TENM4: variants seen among roughly 807,000 people sequenced by gnomAD.
The protein encoded by TENM4 is teneurin transmembrane protein 4, also known as teneurin-4.
A neutral mutation model predicts 243.3 loss-of-function variants in TENM4; 82 were observed. The ratio of observed to expected loss-of-function variants is 0.34; its 90% CI spans 0.28 to 0.40. The LOEUF is 0.40. Ranked by LOEUF, TENM4 falls within the 10% of genes least tolerant of loss-of-function variation. The pLI is 1.00. For synonymous variants in TENM4, 1,412 were observed against 1,456.3 expected, an observed-to-expected ratio of 0.97 and a Z score of 0.69; for missense variants, 3,138 against 3,673.3, an observed-to-expected ratio of 0.85 and a Z score of 3.77.
chr11:78,913,131 T>C (rs1403817672), intron 6 of TENM4, among the ~76,000 whole-genome samples: 3 of 152,228 alleles, frequency 2.0e-5, no homozygotes, highest in Non-Finnish European at 4.4e-5. Flanking sequence ...TATTATATTG[T>C]GTTGTGTGAC....
chr11:78,805,277 T>TTCCCCCCC lies in TENM4; in HGVS notation c.2179+14_2179+15insGGGGGGGA. 1.4e-6 allele frequency: 2 copies of TTCCCCCCC among 1,402,550 alleles called. No homozygotes were observed. The highest frequency in any genetic ancestry group is 9.7e-7 in the Non-Finnish European group (1 of 1,033,116). 86.9% of individuals were successfully genotyped at this position (1,402,550 alleles called of 1,614,324 possible). A position where few individuals can be genotyped will look rare whatever the true frequency, so the allele number is the denominator to read the frequency against. Reference sequence around the variant, plus strand: ...CCCCTCCCTCTACCCATGCTTCTTCTCCCCCTGCATTTACCGATAGAACAG... The same window carrying TTCCCCCCC: ...CCCCTCCCTCTACCCATGCTTCTTCTTCCCCCCCCCCCCTGCATTTACCGATAGAACAG... On this transcript the variant is annotated intron_variant, in intron 15 of 33. Coordinates refer to ENST00000278550, the MANE Select transcript of TENM4 (RefSeq NM_001098816.3).
At chr11:79,220,880 C>G (rs1349907153) in intron 2 of TENM4, 1 of 152,194 alleles carries the variant, frequency 6.6e-6, no homozygotes, top group Non-Finnish European at 1.5e-5. Flanking sequence ...TGCTCCCAGC[C>G]TGGTTTGAAG....
At chr11:79,141,444 G>A (rs1157961995) in intron 4 of TENM4, among the ~76,000 whole-genome samples, 1 of 151,962 alleles carries the variant, frequency 6.6e-6, no homozygotes, top group African/African-American at 2.4e-5. Flanking sequence ...AAACCATGAA[G>A]AAATCCAAAA....
At chr11:79,196,600 A>T (rs946569501) in intron 3 of TENM4, among the ~76,000 whole-genome samples, 2 of 152,034 alleles carry the variant, frequency 1.3e-5, no homozygotes, top group Non-Finnish European at 2.9e-5. Context: ...TGCCATTCCT[A>T]TCATGGACAA....
rs1468869681 is a variant in TENM4 at position 79,069,874 on chromosome 11, C to G, written c.71G>C (p.Ser24Thr). The part of the protein sequence containing the change: ...RRRDAERRYT[S>T]SSADSEEGKA... ...GCCCTCCTCGCTGTCCGCGGACGAG[C>G]TGGTGTAGCGGCGCTCGGCGTCGCG... is the stretch of plus-strand genomic sequence containing the variant. The change falls in exon 5 of 34, where the codon AGC becomes ACC. Residue 24 changes from serine to threonine, a missense_variant. Physicochemically the swap from Ser to Thr is moderately conservative, Grantham distance 58 (BLOSUM62 1). Transcript: ENST00000278550. 1.1e-5 allele frequency: 17 copies of G among 1,549,910 alleles called. No homozygotes were observed. The Admixed American group carries it at 1.4e-4, about 13-fold the overall frequency.
At chr11:79,044,425 G>A (rs145305987) in intron 6 of TENM4, among the ~76,000 whole-genome samples, 1 of 152,298 alleles carries the variant, frequency 6.6e-6, no homozygotes, top group East Asian at 1.9e-4. Flanking sequence ...GGGGCGCATA[G>A]GAGGCGGCAG....
chr11:79,173,322 C>T (rs1863088092), intron 3 of TENM4, among the ~76,000 whole-genome samples: 1 of 152,006 alleles, frequency 6.6e-6, no homozygotes, highest in African/African-American at 2.4e-5. Flanking sequence ...CCCCTTTGGT[C>T]ACAGGTAGTG....
At chr11:79,129,498 C>T (rs1005226264) in intron 4 of TENM4, among the ~76,000 whole-genome samples, 7 of 152,094 alleles carry the variant, frequency 4.6e-5, no homozygotes, top group African/African-American at 1.7e-4. Context: ...CCCAGCTCGC[C>T]CACCACCTGG....
intron 1 of TENM4, among the ~76,000 whole-genome samples, chr11:79,327,162 A>C (rs1394135654): frequency 2.0e-5 from 3 of 152,252 alleles, no homozygotes; most frequent in African/African-American, 7.2e-5. Flanking sequence ...GTCAGCCAGA[A>C]GGTGAAGCAA....
intron 1 of TENM4, among the ~76,000 whole-genome samples, chr11:79,317,838 T>C (rs1262683077): frequency 6.6e-6 from 1 of 152,114 alleles, no homozygotes; most frequent in Non-Finnish European, 1.5e-5. Context: ...TTTCTCCGGG[T>C]CTTGCATCTG....
At chr11:78,941,721 TG>T (rs1449241067) in intron 6 of TENM4, among the ~76,000 whole-genome samples, 1 of 152,174 alleles carries the variant, frequency 6.6e-6, no homozygotes, top group Non-Finnish European at 1.5e-5. Context: ...AGACTCTCCC[TG>T]CAGCCCGAGG....
At chr11:79,401,197 C>G (rs1241273227) in intron 1 of TENM4, among the ~76,000 whole-genome samples, 1 of 152,236 alleles carries the variant, frequency 6.6e-6, no homozygotes, top group Non-Finnish European at 1.5e-5. Context: ...TTCCCTCCCT[C>G]TCTTCCTTTA....
intron 2 of TENM4, among the ~76,000 whole-genome samples, chr11:79,250,930 C>T (rs548406751): frequency 1.3e-5 from 2 of 152,292 alleles, no homozygotes; most frequent in East Asian, 1.9e-4. Context: ...CTTCAAGAAG[C>T]TATAAGTGTT....
chr11:79,346,165 G>A (rs1208153774), intron 1 of TENM4, among the ~76,000 whole-genome samples: 6 of 152,118 alleles, frequency 3.9e-5, no homozygotes, highest in Non-Finnish European at 8.8e-5. Flanking sequence ...ATCCCCCAGA[G>A]AACATTTGAC....
intron 12 of TENM4, among the ~76,000 whole-genome samples, chr11:78,834,143 T>C (rs1565398805): frequency 2.0e-5 from 3 of 152,220 alleles, no homozygotes; most frequent in African/African-American, 7.2e-5. Flanking sequence ...TTAGCACACC[T>C]CCCCTTCCAT....
At chr11:78,950,388 G>T (rs142638438) in intron 6 of TENM4, among the ~76,000 whole-genome samples, 2 of 152,282 alleles carry the variant, frequency 1.3e-5, no homozygotes, top group African/African-American at 2.4e-5. Flanking sequence ...AGTGCAGGGC[G>T]GGGGGAGAAT....
chr11:78,778,370 A>G (rs1246467844), intron 17 of TENM4, among the ~76,000 whole-genome samples: 2 of 152,082 alleles, frequency 1.3e-5, no homozygotes, highest in African/African-American at 2.4e-5. Flanking sequence ...TGTCACAAAC[A>G]GATCTGAGCA....
At chr11:78,872,181 T>C (rs1158073064) in intron 9 of TENM4, among the ~76,000 whole-genome samples, 1 of 152,200 alleles carries the variant, frequency 6.6e-6, no homozygotes. Context: ...ATGAAGTTCT[T>C]GTCACACTGT....
intron 3 of TENM4, among the ~76,000 whole-genome samples, chr11:79,149,297 T>C (rs1308101661): frequency 2.0e-5 from 3 of 152,134 alleles, no homozygotes; most frequent in African/African-American, 7.2e-5. Flanking sequence ...GGCTGGTTTA[T>C]TTACTTATAT....
Sources: allele counts gnomAD v4.1 joint callset (sites outside exome capture counted in the v4.1 genomes callset), GRCh38; gene constraint gnomAD v4.1.1; transcripts MANE v1.5; gene names NCBI Gene and HGNC (gene_info 2026-07-23, HGNC 2026-07-21).